ASIC2: variants seen among roughly 807,000 people sequenced by gnomAD.
ASIC2 encodes the protein acid-sensing ion channel 2.
In ASIC2, 25 loss-of-function variants were observed where a neutral mutation model predicts 57.3. That is an observed-to-expected ratio of 0.44 (90% CI 0.32 to 0.61). ASIC2 has a LOEUF of 0.61. Ranked by LOEUF, ASIC2 falls within the 20% of genes least tolerant of loss-of-function variation. The pLI is 0.06. For synonymous variants in ASIC2, 319 were observed against 307.5 expected (o/e 1.04, Z -0.39); for missense variants, 641 against 738.1 (o/e 0.87, Z 1.52).
chr17:33,461,236 C>T (rs950623563), intron 1 of ASIC2, among the ~76,000 whole-genome samples: 4 of 152,186 alleles, frequency 2.6e-5, no homozygotes, highest in Non-Finnish European at 4.4e-5. Flanking sequence ...CTTAACATTC[C>T]TTTACGTTTA....
At chr17:34,044,120 ACACACG>A (rs71147414) in intron 1 of ASIC2, among the ~76,000 whole-genome samples, 6,956 of 63,360 alleles carry the variant, frequency 0.11, 205 homozygotes, top group African/African-American at 0.29. Context: ...ACACACACAC[ACACACG>A]CACGCACACA....
intron 1 of ASIC2, among the ~76,000 whole-genome samples, chr17:33,287,020 T>C (rs1905223469): frequency 6.6e-6 from 1 of 152,194 alleles, no homozygotes; most frequent in African/African-American, 2.4e-5. Context: ...GAATAGTAAC[T>C]ATGAATACTA....
intron 1 of ASIC2, among the ~76,000 whole-genome samples, chr17:33,226,246 G>C (rs978435034): frequency 2.0e-5 from 3 of 152,172 alleles, no homozygotes; most frequent in Non-Finnish European, 4.4e-5. Context: ...TGCCTAGTAA[G>C]TAGTAAGCTC....
chr17:33,708,178 G>T (rs1270863500), intron 1 of ASIC2, among the ~76,000 whole-genome samples: 1 of 152,136 alleles, frequency 6.6e-6, no homozygotes, highest in Non-Finnish European at 1.5e-5. Context: ...TTACTTTTAA[G>T]CTCCATCCAC....
At chr17:33,663,002 CTT>C (rs1325499532) in intron 1 of ASIC2, among the ~76,000 whole-genome samples, 2 of 152,156 alleles carry the variant, frequency 1.3e-5, no homozygotes, top group Non-Finnish European at 2.9e-5. Flanking sequence ...TTTGCTGACT[CTT>C]GTTAGGTGAC....
intron 2 of ASIC2, 49 bp downstream of exon 2, chr17:33,111,868 C>T: frequency 6.4e-7 from 1 of 1,565,940 alleles, no homozygotes; most frequent in East Asian, 2.3e-5. Context: ...AGAGTCAGGC[C>T]TGCAACCCTC....
intron 1 of ASIC2, among the ~76,000 whole-genome samples, chr17:34,056,703 A>G (rs1462723596): frequency 6.6e-6 from 1 of 152,344 alleles, no homozygotes; most frequent in South Asian, 2.1e-4. Context: ...AGGTCAATCT[A>G]TATTATTTAC....
intron 1 of ASIC2, among the ~76,000 whole-genome samples, chr17:33,152,199 C>T (rs765237228): frequency 3.3e-5 from 5 of 152,152 alleles, no homozygotes; most frequent in Non-Finnish European, 7.3e-5. Context: ...TTTGGTGGTG[C>T]ACTTGCTCTT....
intron 3 of ASIC2, among the ~76,000 whole-genome samples, chr17:33,055,113 G>T (rs994029203): frequency 2.0e-5 from 3 of 152,176 alleles, no homozygotes; most frequent in Admixed American, 6.5e-5. Flanking sequence ...ACAGTCTGTT[G>T]TATCTAATGG....
At chr17:33,384,975 G>C (rs899434220) in intron 1 of ASIC2, among the ~76,000 whole-genome samples, 3 of 152,218 alleles carry the variant, frequency 2.0e-5, no homozygotes, top group African/African-American at 7.2e-5. Context: ...TCTAAAGTCA[G>C]ACAGACATAG....
intron 2 of ASIC2, among the ~76,000 whole-genome samples, chr17:33,090,770 G>C (rs539062358): frequency 1.3e-5 from 2 of 152,290 alleles, no homozygotes; most frequent in South Asian, 4.1e-4. Flanking sequence ...GTAGGTGCAG[G>C]GGTCTGGAGC....
At chr17:33,990,993 A>G (rs1905984646) in intron 1 of ASIC2, among the ~76,000 whole-genome samples, 1 of 152,228 alleles carries the variant, frequency 6.6e-6, no homozygotes. Context: ...AGTAGGGGAT[A>G]AAGAATTGCA....
At chr17:33,200,368 C>T (rs749234835) in intron 1 of ASIC2, among the ~76,000 whole-genome samples, 13 of 152,116 alleles carry the variant, frequency 8.5e-5, no homozygotes, top group African/African-American at 1.7e-4. Context: ...TGAGGACTCA[C>T]GAATAAATCT....
At chr17:33,479,067 C>T (rs566666914) in intron 1 of ASIC2, among the ~76,000 whole-genome samples, 16 of 151,208 alleles carry the variant, frequency 1.1e-4, no homozygotes, top group Admixed American at 3.9e-4. Context: ...GGTGTGATCT[C>T]GGCTCACTGC....
chr17:34,056,513 G>A (rs764501639), intron 1 of ASIC2, among the ~76,000 whole-genome samples: 12 of 152,200 alleles, frequency 7.9e-5, no homozygotes, highest in Non-Finnish European at 1.8e-4. Flanking sequence ...GGTAAAGCAT[G>A]TCCTTCTGGA....
chr17:33,220,422 C>T (rs1444016238), intron 1 of ASIC2, among the ~76,000 whole-genome samples: 3 of 152,234 alleles, frequency 2.0e-5, no homozygotes, highest in Non-Finnish European at 4.4e-5. Context: ...ACCATCCCCA[C>T]TTCCCCATTG....
intron 1 of ASIC2, among the ~76,000 whole-genome samples, chr17:33,616,716 G>A (rs1050538694): frequency 1.3e-5 from 2 of 152,212 alleles, no homozygotes; most frequent in Non-Finnish European, 2.9e-5. Flanking sequence ...GCATTTCCCA[G>A]ACTCCCTTGC....
intron 3 of ASIC2, among the ~76,000 whole-genome samples, chr17:33,082,896 G>A (rs955190416): frequency 2.0e-5 from 3 of 151,512 alleles, no homozygotes; most frequent in Non-Finnish European, 4.4e-5. Context: ...ATTCTGTGCT[G>A]GCTCTCTTAT....
chr17:33,098,915 T>TAC (rs1317655186), intron 2 of ASIC2, among the ~76,000 whole-genome samples: 10 of 150,656 alleles, frequency 6.6e-5, no homozygotes, highest in African/African-American at 2.2e-4. Flanking sequence ...TATATGTATA[T>TAC]ACACACACAC....
Sources: gnomAD v4.1 joint callset for allele counts (sites outside exome capture counted in the v4.1 genomes callset) on GRCh38, gnomAD v4.1.1 for gene constraint, MANE v1.5 for transcripts, NCBI Gene and HGNC (gene_info 2026-07-23, HGNC 2026-07-21) for gene names.